TUBB6: variants seen among roughly 807,000 people sequenced by gnomAD.
TUBB6 encodes tubulin beta 6 class V, also known as tubulin beta-6 chain.
TUBB6 carries 18 observed loss-of-function variants against 32.3 expected under a neutral mutation model. The observed-to-expected ratio is 0.56, with a 90% CI of 0.39 to 0.83. The LOEUF is 0.83. Among genes scored for constraint, TUBB6 ranks in the 40% least tolerant of loss-of-function variants. The probability of loss-of-function intolerance (pLI) is 0.00; values close to 1 mark genes in which losing one functional copy is unlikely to be tolerated. For missense variants in TUBB6, 480 were observed against 632.0 expected (o/e 0.76, Z 2.58); for synonymous variants, 280 against 265.8 (o/e 1.05, Z -0.52).
chr18:12,318,803 G>A (rs958549569), intron 3 of TUBB6, among the ~76,000 whole-genome samples: 1 of 152,030 alleles, frequency 6.6e-6, no homozygotes, highest in African/African-American at 2.4e-5. Context: ...TGTCACCCAG[G>A]CTGGAGTGCA....
chr18:12,308,598 G>A (rs918985264), intron 1 of TUBB6, 89 bp from the exon 2 acceptor site: 1 of 1,033,950 alleles, frequency 9.7e-7, no homozygotes, highest in African/African-American at 1.6e-5. Flanking sequence ...CCTGGAATTC[G>A]GCCGCCGGGG....
chr18:12,325,392 C>T lies in TUBB6; in HGVS notation c.603C>T (p.Cys201=), dbSNP rs757515331. ...QLVENTDETY[C]IDNEALYDIC... is the part of the protein sequence containing the mutation. ...TGGAGAATACAGACGAGACCTACTG[C>T]ATCGACAACGAGGCGCTCTATGACA... Residue 201 remains cysteine (C), a synonymous_variant, in exon 4 of 4, where the codon TGC becomes TGT. Coordinates refer to ENST00000317702, the MANE Select transcript of TUBB6 (RefSeq NM_032525.3). The T allele has an allele frequency of 7.4e-6, 12 of 1,614,248 alleles. No homozygotes were observed. The South Asian group carries it at 1.3e-4, about 18-fold the overall frequency.
chr18:12,325,860 G>C lies in TUBB6; in HGVS notation c.1071G>C (p.Pro357=). The C allele has an allele frequency of 6.2e-7, 1 of 1,614,186 alleles. No individual in the cohort carries two copies. Among genetic ancestry groups the C allele is most frequent in the Non-Finnish European group, 8.5e-7 (1 of 1,180,048 alleles). The change falls in exon 4 of 4, where the codon CCG becomes CCC. Residue 357 remains proline, a synonymous_variant. Coordinates refer to ENST00000317702, the MANE Select transcript of TUBB6 (RefSeq NM_032525.3). ...TGAAGGTGGCCGTGTGCGACATCCC[G>C]CCCCGCGGCCTGAAGATGGCCTCCA... is the stretch of plus-strand genomic sequence containing the variant. The part of the protein sequence containing the change: ...NNVKVAVCDI[P]PRGLKMASTF...
chr18:12,321,109 G>A (rs1906964888), intron 3 of TUBB6, among the ~76,000 whole-genome samples: 1 of 152,184 alleles, frequency 6.6e-6, no homozygotes, highest in Admixed American at 6.5e-5. Flanking sequence ...TTTCCTGTGA[G>A]CTGTATGTTT....
intron 3 of TUBB6, among the ~76,000 whole-genome samples, chr18:12,313,448 G>A (rs1203335763): frequency 6.6e-6 from 1 of 152,156 alleles, no homozygotes; most frequent in East Asian, 1.9e-4. Context: ...TTTCTGATTT[G>A]CCTGGAACTG....
At chr18:12,308,383 G>A (rs1312852782) in intron 1 of TUBB6, 34 bp downstream of exon 1, 1 of 1,346,488 alleles carries the variant, frequency 7.4e-7, no homozygotes. Flanking sequence ...CTCTCCGCGG[G>A]TCGGCTGCTG....
chr18:12,326,262 C>T lies in TUBB6; in HGVS notation c.*132C>T. 7.6e-7 allele frequency: 1 copy of T among 1,324,106 alleles called. No homozygotes were observed. Among genetic ancestry groups the T allele is most frequent in the South Asian group, 1.6e-5 (1 of 63,452 alleles). The allele number at this position is 1,324,106 out of a possible 1,614,324, so 82.0% of individuals were successfully genotyped here. On this transcript the variant is annotated 3_prime_UTR_variant, in exon 4 of 4. Coordinates refer to ENST00000317702, the MANE Select transcript of TUBB6 (RefSeq NM_032525.3). Reference sequence around the variant, plus strand: ...TGGTGTCGGCCCCTCACAAATGCAGCCAAGTCATGTAATTAGTCATCTGGA... The same window carrying T: ...TGGTGTCGGCCCCTCACAAATGCAGTCAAGTCATGTAATTAGTCATCTGGA...
intron 2 of TUBB6, among the ~76,000 whole-genome samples, chr18:12,310,222 G>T (rs189825564): frequency 6.6e-6 from 1 of 151,842 alleles, no homozygotes; most frequent in African/African-American, 2.4e-5. Flanking sequence ...AGGCACGGTG[G>T]CTCACCCCTG....
In TUBB6 at chr18:12,326,356, T is replaced by A; in HGVS notation, c.*226T>A. The A allele has an allele frequency of 1.7e-6, 1 of 603,060 alleles. No individual in the cohort carries two copies. The highest frequency in any genetic ancestry group is 2.7e-6 in the Non-Finnish European group (1 of 367,534). 37.4% of individuals were successfully genotyped at this position (603,060 alleles called of 1,614,324 possible). ...AGAAGATCACACCATGGAGACTTTC[T>A]ACTAGAGGACTTGAAAGAGAACTGA... is the stretch of plus-strand genomic sequence containing the variant. On this transcript the variant is annotated 3_prime_UTR_variant, in exon 4 of 4. Coordinates refer to ENST00000317702, the MANE Select transcript of TUBB6 (RefSeq NM_032525.3).
chr18:12,321,603 C>T (rs1219095727), intron 3 of TUBB6, among the ~76,000 whole-genome samples: 1 of 152,160 alleles, frequency 6.6e-6, no homozygotes, highest in Admixed American at 6.5e-5. Flanking sequence ...TGGACCTGCC[C>T]ACGTGAAACC....
chr18:12,308,919 A>T, intron 2 of TUBB6, 124 bp downstream of exon 2: 1 of 661,942 alleles, frequency 1.5e-6, no homozygotes, highest in Non-Finnish European at 2.8e-6. Context: ...ATGCCCGGCC[A>T]CTCCCTTCGC....
At position 12,325,827 on chromosome 18, in the gene TUBB6, C is replaced by G; in HGVS notation, c.1038C>G (p.Pro346=). Residue 346 remains proline, a synonymous_variant, in exon 4 of 4, where the codon CCC becomes CCG. Transcript: ENST00000317702. ...GCAGCTACTTCGTGGAGTGGATTCC[C>G]AACAACGTGAAGGTGGCCGTGTGCG... ...KNSSYFVEWI[P]NNVKVAVCDI... 1 of 1,614,224 alleles carries G rather than the reference C, an allele frequency of 6.2e-7. No individual in the cohort carries two copies. Among genetic ancestry groups the G allele is most frequent in the Admixed American group, 1.7e-5 (1 of 60,026 alleles).
chr18:12,318,614 G>A (rs1906798874), intron 3 of TUBB6, among the ~76,000 whole-genome samples: 1 of 152,030 alleles, frequency 6.6e-6, no homozygotes, highest in Non-Finnish European at 1.5e-5. Flanking sequence ...GGAGAGAAAG[G>A]CTGAGCTGAT....
At chr18:12,309,402 C>T (rs1486871687) in intron 2 of TUBB6, among the ~76,000 whole-genome samples, 6 of 8,674 alleles carry the variant, frequency 6.9e-4, no homozygotes, top group South Asian at 2.9e-3. Flanking sequence ...AAAGCTTCCC[C>T]CCCCCCCCCC....
downstream of TUBB6, chr18:12,329,049 C>G (rs1363078712): frequency 1.4e-4 from 94 of 678,154 alleles, 1 homozygote; most frequent in South Asian, 9.3e-4. Flanking sequence ...TGTAGAAAAC[C>G]ATTCCATTAA....
intron 3 of TUBB6, among the ~76,000 whole-genome samples, chr18:12,317,067 A>G (rs1354983840): frequency 6.6e-6 from 1 of 151,562 alleles, no homozygotes; most frequent in Non-Finnish European, 1.5e-5. Flanking sequence ...GAGGCAGGAG[A>G]ATCACTGGAA....
At chr18:12,327,981 G>GTGAGCC (rs1452133394), downstream of TUBB6, among the ~76,000 whole-genome samples, 7 of 152,212 alleles carry the variant, frequency 4.6e-5, no homozygotes, top group African/African-American at 1.7e-4. Context: ...TCACAACTGT[G>GTGAGCC]TGAGCCTCAG....
chr18:12,325,047 C>G lies in TUBB6; in HGVS notation c.278-20C>G. ...GCAGCCCTTTCCTGTTTAAACGGCA[C>G]GGGACTCTCTTTGTTGCAGGCCAGA... is the stretch of plus-strand genomic sequence containing the variant. On this transcript the variant is annotated intron_variant, in intron 3 of 3. Coordinates refer to ENST00000317702, the MANE Select transcript of TUBB6 (RefSeq NM_032525.3). The G allele has an allele frequency of 1.9e-6, 3 of 1,553,218 alleles. No homozygotes were observed. The African/African-American group carries it at 4.1e-5, about 21-fold the overall frequency.
intron 2 of TUBB6, 36 bp from the exon 3 acceptor site, chr18:12,310,907 A>G: frequency 1.3e-6 from 2 of 1,491,254 alleles, no homozygotes; most frequent in Non-Finnish European, 9.2e-7. Context: ...TAGAAACCTG[A>G]AAGTAACTCT....
Sources: gnomAD v4.1 joint callset for allele counts (sites outside exome capture counted in the v4.1 genomes callset) on GRCh38, gnomAD v4.1.1 for gene constraint, MANE v1.5 for transcripts, NCBI Gene and HGNC (gene_info 2026-07-23, HGNC 2026-07-21) for gene names.